Variants in LANCL3 observed in about 807,000 individuals in gnomAD.
LANCL3 encodes the protein lanC-like protein 3.
LANCL3 carries 19 observed loss-of-function variants against 26.5 expected under a neutral mutation model. The observed-to-expected ratio is 0.72, with a 90% confidence interval of 0.50 to 1.05. The LOEUF (loss-of-function observed/expected upper bound fraction) is 1.05, where lower values mean the gene tolerates loss of function less well. Among genes scored for constraint, LANCL3 ranks in the 50% least tolerant of loss-of-function variants. The probability of loss-of-function intolerance (pLI) is 0.00; values close to 1 mark genes in which losing one functional copy is unlikely to be tolerated. For missense variants in LANCL3, 318 were observed against 362.7 expected (o/e 0.88, Z 1.00); for synonymous variants, 160 against 166.6 (o/e 0.96, Z 0.30).
At chrX:37,623,048 G>A (rs782432591) in intron 1 of LANCL3, among the ~76,000 whole-genome samples, 1 of 111,739 alleles carries the variant, frequency 8.9e-6, no homozygotes, top group South Asian at 3.8e-4. Context: ...TTGAGTGCAG[G>A]GTCATTTTTT....
intron 3 of LANCL3, among the ~76,000 whole-genome samples, chrX:37,664,644 G>A (rs1487746618): frequency 3.6e-5 from 4 of 111,408 alleles, no homozygotes; most frequent in Admixed American, 9.5e-5. Context: ...GGGGTTTGGC[G>A]TACAAAGGAT....
intron 1 of LANCL3, among the ~76,000 whole-genome samples, chrX:37,636,324 A>G (rs1925704934): frequency 8.9e-6 from 1 of 111,835 alleles, no homozygotes; most frequent in African/African-American, 3.3e-5. Flanking sequence ...CTTTGGGTAT[A>G]TACCCAATAA....
intron 1 of LANCL3, among the ~76,000 whole-genome samples, chrX:37,604,722 G>A (rs782542957): frequency 3.6e-5 from 4 of 112,451 alleles, no homozygotes. Context: ...AAGTTTGGAA[G>A]TGTTGCACCG....
intron 1 of LANCL3, among the ~76,000 whole-genome samples, chrX:37,588,672 C>G (rs1273852676): frequency 1.8e-5 from 2 of 111,553 alleles, no homozygotes; most frequent in Non-Finnish European, 3.8e-5. Context: ...ATCAGATTTT[C>G]TTTTCTGAAT....
In LANCL3 at chrX:37,667,372, A is replaced by T; in HGVS notation, c.986A>T (p.Gln329Leu). The T allele has an allele frequency of 1.7e-6, 2 of 1,200,529 alleles. No homozygotes were observed. Among genetic ancestry groups the T allele is most frequent in the Non-Finnish European group, 2.2e-6 (2 of 890,870 alleles). ...TCIRCGELTWQKGLLKKGPGI... is the reference protein window; with the variant it reads ...TCIRCGELTWLKGLLKKGPGI... ...ATTCGGTGTGGGGAACTCACATGGC[A>T]GAAAGGCCTGCTAAAGAAGGGGCCT... Residue 329 changes from glutamine (Q) to leucine (L), a missense_variant, in exon 4 of 5, where the codon CAG (glutamine) becomes CTG (leucine). By Grantham distance (113) the Gln-to-Leu change is moderately radical. Coordinates refer to ENST00000378619, the MANE Select transcript of LANCL3 (RefSeq NM_001170331.2).
rs782563544 is a variant in LANCL3, at chrX:37,630,662, G to C, written c.574-25026G>C. 2.4e-3 allele frequency among the ~76,000 whole-genome samples: 261 copies of C among 109,376 alleles called. 1 individual carries two copies. The highest frequency in any genetic ancestry group is 8.2e-3 in the African/African-American group (246 of 29,942). 95.0% of individuals were successfully genotyped at this position (109,376 alleles called of 115,157 possible). A position where few individuals can be genotyped will look rare whatever the true frequency, so the allele number is the denominator to read the frequency against. On this transcript the variant is annotated intron_variant, in intron 1 of 4. Transcript: ENST00000378619. ...TTTATTGAGAGTTTTTAGCATGAAG[G>C]GTTGTTGAATTTTGTCAAAGGCCTT...
At chrX:37,630,124 A>C (rs1284993556) in intron 1 of LANCL3, among the ~76,000 whole-genome samples, 8 of 110,497 alleles carry the variant, frequency 7.2e-5, no homozygotes, top group Non-Finnish European at 1.5e-4. Context: ...CTTTTATTTC[A>C]TTGAGCAGTG....
chrX:37,575,872 A>G (rs1469029245), intron 1 of LANCL3, among the ~76,000 whole-genome samples: 1 of 112,533 alleles, frequency 8.9e-6, no homozygotes, highest in African/African-American at 3.2e-5. Context: ...TAGAATGCTG[A>G]TTACTATATT....
At chrX:37,664,886 A>G (rs1926507956) in intron 3 of LANCL3, among the ~76,000 whole-genome samples, 1 of 111,800 alleles carries the variant, frequency 8.9e-6, no homozygotes, top group Admixed American at 9.5e-5. Flanking sequence ...GTTCCTGGAC[A>G]TAATCTCTTT....
intron 1 of LANCL3, among the ~76,000 whole-genome samples, chrX:37,574,705 G>A (rs368352076): frequency 1.6e-3 from 172 of 110,634 alleles, no homozygotes; most frequent in African/African-American, 5.4e-3. Flanking sequence ...AAAAATAGCC[G>A]AGAAGGCCCC....
At chrX:37,597,777 A>G (rs1476937219) in intron 1 of LANCL3, among the ~76,000 whole-genome samples, 2 of 101,801 alleles carry the variant, frequency 2.0e-5, no homozygotes, top group Non-Finnish European at 3.9e-5. Flanking sequence ...TCAGCCTTCC[A>G]AAGAGCTGGG....
chrX:37,675,204 TAC>T (rs1926764939), intron 4 of LANCL3, among the ~76,000 whole-genome samples: 1 of 112,258 alleles, frequency 8.9e-6, no homozygotes, highest in African/African-American at 3.2e-5. Flanking sequence ...CATTTATTTT[TAC>T]AGTCTCTGCT....
intron 1 of LANCL3, among the ~76,000 whole-genome samples, chrX:37,591,486 G>T (rs1924278092): frequency 9.0e-6 from 1 of 111,591 alleles, no homozygotes; most frequent in Non-Finnish European, 1.9e-5. Context: ...TCTTAGGCCA[G>T]ATTTCCCAAA....
rs185689329 is a variant in LANCL3 at position 37,638,358 on chromosome X, C to T, written c.574-17330C>T. ...GGAAGTGAAATCCAGTCATGGTGTT[C>T]TGGTCACCAAGCCCTGGCATGAGGG... On this transcript the variant is annotated intron_variant, in intron 1 of 4. Transcript: ENST00000378619. Among the ~76,000 whole-genome samples the T allele has an allele frequency of 6.3e-5, 7 of 111,655 alleles. No individual in the cohort carries two copies. The East Asian group carries it at 2.0e-3, about 32-fold the overall frequency.
intron 1 of LANCL3, among the ~76,000 whole-genome samples, chrX:37,616,228 AATGCATATATAT>A (rs1470084137): frequency 9.1e-6 from 1 of 109,617 alleles, no homozygotes; most frequent in African/African-American, 3.5e-5. Context: ...CCAACCAGAT[AATGCATATATAT>A]ATGTGACAAA....
chrX:37,573,188 A>G lies in LANCL3; in HGVS notation c.573+745A>G, dbSNP rs781816064. Reference sequence around the variant, plus strand: ...TAAAAGTGAATTGGTTTTCACATACATATTTTTTCCTGGACTCACTTTGAA... The same window carrying G: ...TAAAAGTGAATTGGTTTTCACATACGTATTTTTTCCTGGACTCACTTTGAA... On this transcript the variant is annotated intron_variant, in intron 1 of 4. Coordinates refer to ENST00000378619, the MANE Select transcript of LANCL3 (RefSeq NM_001170331.2). 8.8e-4 allele frequency among the ~76,000 whole-genome samples: 99 copies of G among 112,357 alleles called. 1 individual carries two copies. The South Asian group carries it at 0.035, about 40-fold the overall frequency.
At chrX:37,591,417 T>C (rs1436582917) in intron 1 of LANCL3, among the ~76,000 whole-genome samples, 16 of 111,211 alleles carry the variant, frequency 1.4e-4, no homozygotes, top group Admixed American at 8.6e-4. Flanking sequence ...AGTTGCAAGT[T>C]TGATAAACAG....
chrX:37,633,276 A>C (rs1159577653), intron 1 of LANCL3, among the ~76,000 whole-genome samples: 1 of 108,358 alleles, frequency 9.2e-6, no homozygotes, highest in Admixed American at 9.9e-5. Flanking sequence ...TGCATTCTTC[A>C]CTTAGTTCTC....
intron 3 of LANCL3, among the ~76,000 whole-genome samples, chrX:37,666,399 A>G (rs977543702): frequency 8.9e-6 from 1 of 112,204 alleles, no homozygotes; most frequent in Non-Finnish European, 1.9e-5. Context: ...CTACAAGACA[A>G]TTTCTATCTC....
Sources: allele counts gnomAD v4.1 joint callset (sites outside exome capture counted in the v4.1 genomes callset), GRCh38; gene constraint gnomAD v4.1.1; transcripts MANE v1.5; gene names NCBI Gene and HGNC (gene_info 2026-07-23, HGNC 2026-07-21).